ARNT2: variants seen among roughly 807,000 people sequenced by gnomAD.
ARNT2 encodes ARNT protein 2.
A neutral mutation model predicts 91.7 loss-of-function variants in ARNT2; 36 were observed. The ratio of observed to expected loss-of-function variants is 0.39; its 90% confidence interval spans 0.30 to 0.52. The LOEUF (loss-of-function observed/expected upper bound fraction) is 0.52. Ranked by LOEUF, ARNT2 falls within the 20% of genes least tolerant of loss-of-function variation. The pLI, the probability that ARNT2 is intolerant of heterozygous loss-of-function variation, is 0.72. For synonymous variants in ARNT2, 365 were observed against 347.1 expected (o/e 1.05, Z -0.57); for missense variants, 775 against 939.3 (o/e 0.83, Z 2.29).
At chr15:80,481,928 G>A (rs1381424743) in intron 5 of ARNT2, among the ~76,000 whole-genome samples, 1 of 152,062 alleles carries the variant, frequency 6.6e-6, no homozygotes, top group Non-Finnish European at 1.5e-5. Flanking sequence ...TAGAGACAAG[G>A]TCTTGCTCTG....
chr15:80,444,686 G>A (rs1229743024), intron 1 of ARNT2: 2 of 150,806 alleles, frequency 1.3e-5, no homozygotes, highest in Non-Finnish European at 3.0e-5. Context: ...GTGTGTTGAT[G>A]TGAGTGGTGT....
intron 5 of ARNT2, 115 bp from the exon 6 acceptor site, chr15:80,508,041 C>T (rs2141424033): frequency 1.1e-6 from 1 of 922,280 alleles, no homozygotes; most frequent in Non-Finnish European, 1.7e-6. Context: ...ACAATTTGCA[C>T]AGCCACACTT....
At chr15:80,416,519 CA>C (rs571386975) in intron 1 of ARNT2, among the ~76,000 whole-genome samples, 2 of 151,778 alleles carry the variant, frequency 1.3e-5, no homozygotes, top group African/African-American at 4.8e-5. Flanking sequence ...TTCCTCATAA[CA>C]AAAAAAATGA....
intron 2 of ARNT2, 48 bp downstream of exon 2, chr15:80,451,042 A>C: frequency 6.5e-7 from 1 of 1,527,260 alleles, no homozygotes; most frequent in Non-Finnish European, 9.0e-7. Flanking sequence ...AATGTTGAGC[A>C]ATGCTCTTGA....
At chr15:80,481,951 G>A (rs532695599) in intron 5 of ARNT2, among the ~76,000 whole-genome samples, 3 of 152,234 alleles carry the variant, frequency 2.0e-5, no homozygotes, top group African/African-American at 4.8e-5. Flanking sequence ...ACCCAGGCTC[G>A]AGTGCAGTAG....
At chr15:80,441,207 A>T (rs919648977) in intron 1 of ARNT2, 2 of 985,064 alleles carry the variant, frequency 2.0e-6, no homozygotes, top group African/African-American at 3.5e-5. Context: ...CGGCTGAATC[A>T]TGGTCCACAG....
chr15:80,468,998 A>G (rs528737061), intron 3 of ARNT2, among the ~76,000 whole-genome samples: 3 of 152,298 alleles, frequency 2.0e-5, no homozygotes, highest in Middle Eastern at 3.4e-3. Context: ...GCTAATTAAT[A>G]CATGCAGTGT....
At chr15:80,473,868 A>G (rs1293497659) in intron 4 of ARNT2, among the ~76,000 whole-genome samples, 1 of 152,158 alleles carries the variant, frequency 6.6e-6, no homozygotes, top group African/African-American at 2.4e-5. Context: ...CTGGCTGTCC[A>G]TGTGCTTTAC....
At chr15:80,493,266 G>T in intron 5 of ARNT2, among the ~76,000 whole-genome samples, 1 of 151,062 alleles carries the variant, frequency 6.6e-6, no homozygotes, top group Non-Finnish European at 1.5e-5. Flanking sequence ...ACCTCTTAAA[G>T]GTCTTACCTC....
chr15:80,530,599 T>A (rs997634738), intron 8 of ARNT2, among the ~76,000 whole-genome samples: 1 of 152,166 alleles, frequency 6.6e-6, no homozygotes, highest in African/African-American at 2.4e-5. Flanking sequence ...AGGGCTGATA[T>A]ATATGTTTCT....
chr15:80,575,012 G>A lies in ARNT2; in HGVS notation c.1415G>A (p.Gly472Asp). 1 of 1,614,164 alleles carries A rather than the reference G, an allele frequency of 6.2e-7. No individual in the cohort carries two copies. The highest frequency in any genetic ancestry group is 8.5e-7 in the Non-Finnish European group (1 of 1,180,018). ...GTCCCCGTCCCCAACCTACCAGCCG[G>A]TGTTCATGAGGCCGGGAAGTCCGTG... ...SQVPVPNLPA[G>D]VHEAGKSVEK... is the part of the protein sequence containing the mutation. Residue 472 changes from glycine to aspartate, a missense_variant, in exon 14 of 19, where the codon GGT (glycine) becomes GAT (aspartate). Physicochemically the swap from Gly to Asp is moderately conservative, Grantham distance 94. Coordinates refer to ENST00000303329, the MANE Select transcript of ARNT2 (RefSeq NM_014862.4).
At chr15:80,481,984 C>T (rs1488676398) in intron 5 of ARNT2, among the ~76,000 whole-genome samples, 2 of 152,184 alleles carry the variant, frequency 1.3e-5, no homozygotes, top group Admixed American at 1.3e-4. Flanking sequence ...TTGCTGCAGC[C>T]TCTCTTGAGC....
intron 8 of ARNT2, among the ~76,000 whole-genome samples, chr15:80,517,629 G>GT (rs570738185): frequency 0.048 from 6,393 of 132,796 alleles, 412 homozygotes; most frequent in African/African-American, 0.16. Context: ...GAGTGTTCTG[G>GT]TTTTTTTTTT....
chr15:80,484,979 C>T (rs4480756), intron 5 of ARNT2, among the ~76,000 whole-genome samples: 116,686 of 152,196 alleles, frequency 0.77, 44,869 homozygotes, highest in East Asian at 0.8. Flanking sequence ...CAAACAATAA[C>T]GCATCTCCTA....
chr15:80,487,821 G>T (rs117988378), intron 5 of ARNT2: 2 of 152,208 alleles, frequency 1.3e-5, no homozygotes, highest in African/African-American at 4.8e-5. Flanking sequence ...TTGCAAGACC[G>T]GAAGAGGAGG....
intron 8 of ARNT2, among the ~76,000 whole-genome samples, chr15:80,539,681 A>G (rs1290291593): frequency 1.3e-5 from 2 of 152,150 alleles, no homozygotes; most frequent in African/African-American, 2.4e-5. Flanking sequence ...GATTATCTAC[A>G]TGAAAAACCT....
chr15:80,502,838 G>C (rs890668628), intron 5 of ARNT2, among the ~76,000 whole-genome samples: 2 of 152,138 alleles, frequency 1.3e-5, no homozygotes, highest in African/African-American at 4.8e-5. Context: ...TTGGATCAAG[G>C]GTGAAGAGTA....
chr15:80,571,979 T>G (rs1567005249), intron 12 of ARNT2, among the ~76,000 whole-genome samples: 1 of 152,214 alleles, frequency 6.6e-6, no homozygotes, highest in Non-Finnish European at 1.5e-5. Flanking sequence ...GATGAGATAA[T>G]GTAAACACCT....
At chr15:80,505,610 G>A (rs1897262386) in intron 5 of ARNT2, among the ~76,000 whole-genome samples, 1 of 152,222 alleles carries the variant, frequency 6.6e-6, no homozygotes, top group South Asian at 2.1e-4. Context: ...TGAGGTAGCT[G>A]AAGCACAGAG....
Sources: allele counts gnomAD v4.1 joint callset (sites outside exome capture counted in the v4.1 genomes callset), GRCh38; gene constraint gnomAD v4.1.1; transcripts MANE v1.5; gene names NCBI Gene and HGNC (gene_info 2026-07-23, HGNC 2026-07-21).